The following STK39 variants were observed in gnomAD, a reference collection of about 807,000 sequenced individuals.
The protein encoded by STK39 is STE20/SPS1-related proline-alanine-rich protein kinase.
Under a neutral mutation model 77.8 loss-of-function variants are expected in STK39, and 20 were observed. The observed-to-expected ratio is 0.26, with a 90% CI of 0.18 to 0.37. The LOEUF is 0.37. STK39 is among the 10% of genes least tolerant of loss of function. The pLI is 1.00. For synonymous variants in STK39, 246 were observed against 234.1 expected, an observed-to-expected ratio of 1.05 and a Z score of -0.47; for missense variants, 479 against 656.5, an observed-to-expected ratio of 0.73 and a Z score of 2.95.
At chr2:168,011,848 T>A (rs1684278875) in intron 16 of STK39, among the ~76,000 whole-genome samples, 1 of 152,236 alleles carries the variant, frequency 6.6e-6, no homozygotes, top group East Asian at 1.9e-4. Context: ...TTCATTTCCT[T>A]ATCTATACAG....
chr2:168,163,960 T>C, intron 3 of STK39, 80 bp from the exon 4 acceptor site: 1 of 1,502,938 alleles, frequency 6.7e-7, no homozygotes, highest in African/African-American at 1.4e-5. Context: ...GTATAAAATT[T>C]AATAGAAACA....
intron 10 of STK39, 44 bp downstream of exon 10, chr2:168,129,497 T>A: frequency 1.2e-6 from 2 of 1,606,794 alleles, no homozygotes; most frequent in African/African-American, 2.7e-5. Context: ...TTCATTTCCC[T>A]GGGGATTGGT....
At chr2:168,033,736 C>T (rs1398128353) in intron 14 of STK39, among the ~76,000 whole-genome samples, 1 of 152,082 alleles carries the variant, frequency 6.6e-6, no homozygotes, top group Non-Finnish European at 1.5e-5. Context: ...TTGCTTAGGC[C>T]GACTCAGCCT....
chr2:168,212,416 T>C (rs1403839045), intron 1 of STK39, among the ~76,000 whole-genome samples: 9 of 152,226 alleles, frequency 5.9e-5, no homozygotes, highest in Non-Finnish European at 1.3e-4. Context: ...TTGTCTGTTC[T>C]GACCCACCTC....
At chr2:168,208,673 G>A (rs1394782183) in intron 1 of STK39, among the ~76,000 whole-genome samples, 1 of 152,180 alleles carries the variant, frequency 6.6e-6, no homozygotes, top group Admixed American at 6.5e-5. Context: ...TCCTTCTTGA[G>A]CACAAAAGCA....
intron 14 of STK39, among the ~76,000 whole-genome samples, chr2:168,019,915 G>T (rs1161534769): frequency 6.6e-6 from 1 of 152,178 alleles, no homozygotes; most frequent in East Asian, 1.9e-4. Flanking sequence ...ATGTTGGCCA[G>T]GCTGGTCTTG....
intron 1 of STK39, among the ~76,000 whole-genome samples, chr2:168,228,463 T>C (rs1390037493): frequency 6.6e-6 from 1 of 152,184 alleles, no homozygotes; most frequent in African/African-American, 2.4e-5. Context: ...TTTTCTACAA[T>C]GACCTTATAT....
At chr2:168,073,865 G>A (rs1038719800) in intron 12 of STK39, among the ~76,000 whole-genome samples, 6 of 152,078 alleles carry the variant, frequency 3.9e-5, no homozygotes, top group African/African-American at 9.7e-5. Flanking sequence ...TGATCCACCC[G>A]ACTCGGCCTC....
chr2:168,017,591 C>A (rs1684447835), intron 14 of STK39, among the ~76,000 whole-genome samples: 1 of 151,768 alleles, frequency 6.6e-6, no homozygotes, highest in Non-Finnish European at 1.5e-5. Context: ...AGGCTGGTCC[C>A]AAACTCCCGA....
intron 1 of STK39, among the ~76,000 whole-genome samples, chr2:168,192,893 T>C (rs2105655138): frequency 6.6e-6 from 1 of 152,186 alleles, no homozygotes; most frequent in South Asian, 2.1e-4. Context: ...TCAGCTCTGC[T>C]CCCACTCAGC....
chr2:168,030,216 T>C (rs1219972857), intron 14 of STK39, among the ~76,000 whole-genome samples: 1 of 152,120 alleles, frequency 6.6e-6, no homozygotes, highest in Non-Finnish European at 1.5e-5. Flanking sequence ...CTCTAGCCTG[T>C]GTGACAGAGC....
At chr2:168,233,781 C>T (rs1246027184) in intron 1 of STK39, among the ~76,000 whole-genome samples, 1 of 152,132 alleles carries the variant, frequency 6.6e-6, no homozygotes, top group Non-Finnish European at 1.5e-5. Flanking sequence ...ATAAGACAAA[C>T]TGAAGTGATT....
chr2:168,023,482 T>C (rs1273445681), intron 14 of STK39, among the ~76,000 whole-genome samples: 7 of 152,134 alleles, frequency 4.6e-5, no homozygotes, highest in African/African-American at 1.7e-4. Context: ...TTGAAGTATA[T>C]ATTTTACAGG....
At chr2:168,010,392 G>A (rs529466245) in intron 16 of STK39, among the ~76,000 whole-genome samples, 38 of 152,288 alleles carry the variant, frequency 2.5e-4, no homozygotes, top group Non-Finnish European at 3.5e-4. Flanking sequence ...ATTGGTAGGT[G>A]AACATAATGA....
chr2:167,978,680 G>A (rs548757942), intron 16 of STK39, among the ~76,000 whole-genome samples: 1 of 152,152 alleles, frequency 6.6e-6, no homozygotes, highest in East Asian at 1.9e-4. Context: ...ATGAACATGT[G>A]TACACACTCA....
intron 17 of STK39, among the ~76,000 whole-genome samples, chr2:167,959,979 G>A (rs191910163): frequency 1.3e-5 from 2 of 152,286 alleles, no homozygotes; most frequent in Admixed American, 1.3e-4. Flanking sequence ...CACGCTTTGT[G>A]AGCCTCAATT....
intron 1 of STK39, among the ~76,000 whole-genome samples, chr2:168,220,431 C>A (rs1039571134): frequency 1.3e-5 from 2 of 152,080 alleles, no homozygotes; most frequent in African/African-American, 4.8e-5. Context: ...TTGACCCTAG[C>A]AAATATTTTA....
intron 14 of STK39, among the ~76,000 whole-genome samples, chr2:168,061,154 C>T (rs116232553): frequency 0.015 from 2,206 of 151,552 alleles, 22 homozygotes; most frequent in Non-Finnish European, 0.025. Flanking sequence ...GCTGCTGAGT[C>T]ATGCTGAACA....
rs550619884 is a variant in STK39, at chr2:168,154,779, T to C, written c.628+7008A>G. On this transcript the variant is annotated intron_variant, in intron 5 of 17. Coordinates refer to ENST00000355999, the MANE Select transcript of STK39 (RefSeq NM_013233.3). ...AGCTGAGAGGACTGTGCCTAGAACATAGCAAATGCTCAATAAATACCTGTC... is the reference window on the plus strand; with the variant it reads ...AGCTGAGAGGACTGTGCCTAGAACACAGCAAATGCTCAATAAATACCTGTC... Among the ~76,000 whole-genome samples, 83 of 152,286 alleles carry C rather than the reference T, an allele frequency of 5.5e-4. 1 individual carries two copies. Among genetic ancestry groups the C allele is most frequent in the Non-Finnish European group, 6.9e-4 (47 of 68,024 alleles).
Sources: allele counts gnomAD v4.1 joint callset (sites outside exome capture counted in the v4.1 genomes callset), GRCh38; gene constraint gnomAD v4.1.1; transcripts MANE v1.5; gene names NCBI Gene and HGNC (gene_info 2026-07-23, HGNC 2026-07-21).